The following KDM7A variants were observed in gnomAD, a reference collection of about 807,000 sequenced individuals.
The protein encoded by KDM7A is lysine-specific demethylase 7A.
In KDM7A, 28 loss-of-function variants were observed where a neutral mutation model predicts 114.8. That is an observed-to-expected ratio of 0.24 (90% CI 0.18 to 0.33). KDM7A has a LOEUF of 0.33. Among genes scored for constraint, KDM7A ranks in the 10% least tolerant of loss-of-function variants. The pLI is 1.00. For missense variants in KDM7A, 942 were observed against 1,142.5 expected (o/e 0.82, Z 2.53); for synonymous variants, 423 against 397.8 (o/e 1.06, Z -0.75).
At chr7:140,160,582 G>A (rs938126992) in intron 1 of KDM7A, among the ~76,000 whole-genome samples, 1 of 152,206 alleles carries the variant, frequency 6.6e-6, no homozygotes, top group East Asian at 1.9e-4. Flanking sequence ...TAATACCAAG[G>A]TAAATCAAGT....
At chr7:140,091,590 C>T (rs536286281) in intron 19 of KDM7A, among the ~76,000 whole-genome samples, 2 of 152,196 alleles carry the variant, frequency 1.3e-5, no homozygotes, top group Non-Finnish European at 2.9e-5. Flanking sequence ...AACCCCTGAA[C>T]ATCTGATTTT....
At chr7:140,156,907 A>G (rs1794463969) in intron 1 of KDM7A, among the ~76,000 whole-genome samples, 1 of 152,118 alleles carries the variant, frequency 6.6e-6, no homozygotes. Context: ...TAATGCACAC[A>G]CCCTTAACTT....
intron 1 of KDM7A, among the ~76,000 whole-genome samples, chr7:140,164,933 A>G (rs1211403565): frequency 6.6e-6 from 1 of 152,242 alleles, no homozygotes; most frequent in Non-Finnish European, 1.5e-5. Context: ...TTAAAAGTCA[A>G]GAAGACCATG....
intron 2 of KDM7A, among the ~76,000 whole-genome samples, chr7:140,134,997 T>G (rs1818843573): frequency 6.7e-6 from 1 of 150,040 alleles, no homozygotes; most frequent in Non-Finnish European, 1.5e-5. Context: ...AAGTAACTTA[T>G]GGCAGCCAAA....
At chr7:140,101,595 G>C (rs1020678520) in intron 12 of KDM7A, among the ~76,000 whole-genome samples, 4 of 152,024 alleles carry the variant, frequency 2.6e-5, no homozygotes, top group Admixed American at 1.3e-4. Context: ...TATTATTTTA[G>C]TATATGTCTC....
chr7:140,096,530 G>GA (rs1562944543), intron 17 of KDM7A, 25 bp downstream of exon 17: 1 of 1,570,510 alleles, frequency 6.4e-7, no homozygotes, highest in Middle Eastern at 1.7e-4. Flanking sequence ...TTACTTTTTA[G>GA]AGACTGATAA....
At chr7:140,143,308 G>A (rs543472568) in intron 1 of KDM7A, among the ~76,000 whole-genome samples, 1 of 152,128 alleles carries the variant, frequency 6.6e-6, no homozygotes, top group East Asian at 1.9e-4. Flanking sequence ...AAACAAGGAA[G>A]AGATGGATCT....
intron 9 of KDM7A, among the ~76,000 whole-genome samples, chr7:140,117,108 T>C (rs1397238724): frequency 1.3e-5 from 2 of 152,236 alleles, no homozygotes; most frequent in African/African-American, 4.8e-5. Flanking sequence ...CAATTGGCTT[T>C]TGCCTTGATG....
chr7:140,111,747 T>C (rs2116772315), intron 10 of KDM7A, among the ~76,000 whole-genome samples: 1 of 152,226 alleles, frequency 6.6e-6, no homozygotes, highest in Admixed American at 6.5e-5. Context: ...TCACCTGAGG[T>C]CAGAAGTTTG....
intron 1 of KDM7A, among the ~76,000 whole-genome samples, chr7:140,165,928 T>C (rs545236787): frequency 2.0e-4 from 31 of 152,190 alleles, no homozygotes; most frequent in Non-Finnish European, 3.5e-4. Context: ...CAAAAGAAAT[T>C]CATGCTAGTT....
At chr7:140,152,695 G>C (rs1462929960) in intron 1 of KDM7A, among the ~76,000 whole-genome samples, 2 of 152,018 alleles carry the variant, frequency 1.3e-5, no homozygotes, top group Non-Finnish European at 1.5e-5. Context: ...AGGTGACGCT[G>C]AGTTGCCAGG....
chr7:140,138,735 T>C (rs1818908082), intron 2 of KDM7A, among the ~76,000 whole-genome samples: 3 of 152,244 alleles, frequency 2.0e-5, no homozygotes, highest in Admixed American at 2.0e-4. Flanking sequence ...AGTCTTATTC[T>C]GTATACTCTC....
chr7:140,167,454 T>C (rs1337102109), intron 1 of KDM7A, among the ~76,000 whole-genome samples: 1 of 152,282 alleles, frequency 6.6e-6, no homozygotes, highest in East Asian at 1.9e-4. Flanking sequence ...CCCAAGTATA[T>C]ACAGAATCTT....
Position 140,090,079 on chromosome 7 carries a change from A to G in KDM7A, c.*1015T>C, listed in dbSNP as rs1325929316. On this transcript the variant is annotated 3_prime_UTR_variant, in exon 20 of 20. Coordinates refer to ENST00000397560, the MANE Select transcript of KDM7A (RefSeq NM_030647.2). Reference sequence around the variant, plus strand: ...GTTGTCCAACAGCAGCAGTACGAAGAAGGCCTGCTGTAGTTACAAATGTAC... The same window carrying G: ...GTTGTCCAACAGCAGCAGTACGAAGGAGGCCTGCTGTAGTTACAAATGTAC... The G allele has an allele frequency of 6.6e-6, 1 of 152,230 alleles. No individual in the cohort carries two copies. The highest frequency in any genetic ancestry group is 1.5e-5 in the Non-Finnish European group (1 of 68,038). The allele number at this position is 152,230 out of a possible 1,614,324, so 9.4% of individuals were successfully genotyped here.
At chr7:140,148,701 A>T (rs1348143512) in intron 1 of KDM7A, among the ~76,000 whole-genome samples, 1 of 152,232 alleles carries the variant, frequency 6.6e-6, no homozygotes, top group African/African-American at 2.4e-5. Flanking sequence ...ATATCAGCTA[A>T]GGTAAAAATT....
chr7:140,100,715 T>TATATATATATATATATATATATAC (rs1562946069), intron 12 of KDM7A, among the ~76,000 whole-genome samples: 1 of 49,074 alleles, frequency 2.0e-5, no homozygotes, highest in Non-Finnish European at 4.4e-5. Flanking sequence ...TATACACATA[T>TATATATATATATATATATATATAC]ATATATATAT....
At chr7:140,127,959 T>C (rs558651606) in intron 4 of KDM7A, among the ~76,000 whole-genome samples, 1 of 152,290 alleles carries the variant, frequency 6.6e-6, no homozygotes, top group South Asian at 2.1e-4. Context: ...TTCTCAGGCA[T>C]AAAATGAGGA....
In KDM7A at chr7:140,094,138, C is replaced by A; in HGVS notation, c.2375G>T (p.Gly792Val). 1.9e-6 allele frequency: 3 copies of A among 1,564,720 alleles called. No homozygotes were observed. The highest frequency in any genetic ancestry group is 2.6e-6 in the Non-Finnish European group (3 of 1,135,048). Residue 792 changes from glycine (G) to valine (V), a missense_variant and splice_region_variant, in exon 18 of 20, where the codon GGA becomes GTA. Transcript: ENST00000397560. Reference protein sequence around the residue: ...LYRYDKPVECGYHVKTEDPDL... With the variant: ...LYRYDKPVECVYHVKTEDPDL... ...TGGATCTTCAGTCTTGACATGGTATCCTAAAGAGAAGTTTTAGTTTAATTA... is the reference window on the plus strand; with the variant it reads ...TGGATCTTCAGTCTTGACATGGTATACTAAAGAGAAGTTTTAGTTTAATTA...
intron 8 of KDM7A, 116 bp from the exon 9 acceptor site, chr7:140,119,335 T>C (rs1818581688): frequency 3.8e-6 from 2 of 526,408 alleles, no homozygotes; most frequent in Admixed American, 6.2e-5. Flanking sequence ...ATAAAGTATT[T>C]TACATTTCTT....
Sources: allele counts gnomAD v4.1 joint callset (sites outside exome capture counted in the v4.1 genomes callset), GRCh38; gene constraint gnomAD v4.1.1; transcripts MANE v1.5; gene names NCBI Gene and HGNC (gene_info 2026-07-23, HGNC 2026-07-21).